NAA16: variants seen among roughly 807,000 people sequenced by gnomAD.
NAA16 encodes NARG1-like protein.
Under a neutral mutation model 110.3 loss-of-function variants are expected in NAA16, and 97 were observed. The observed-to-expected ratio is 0.88, with a 90% confidence interval of 0.75 to 1.04. NAA16 has a LOEUF of 1.04. Ranked by LOEUF, NAA16 falls within the 50% of genes least tolerant of loss-of-function variation. NAA16 has a pLI of 0.00. For missense variants in NAA16, 1,017 were observed against 1,005.1 expected, an observed-to-expected ratio of 1.01 and a Z score of -0.16; for synonymous variants, 372 against 330.6, an observed-to-expected ratio of 1.13 and a Z score of -1.36.
chr13:41,352,388 C>G (rs1034157794), intron 9 of NAA16, among the ~76,000 whole-genome samples: 3 of 152,016 alleles, frequency 2.0e-5, no homozygotes, highest in African/African-American at 7.2e-5. Flanking sequence ...GGCACAGTGG[C>G]TCATGCCTGT....
Position 41,358,108 on chromosome 13 carries a change from A to G in NAA16, c.1088-196A>G, listed in dbSNP as rs561753933. Among the ~76,000 whole-genome samples the G allele has an allele frequency of 5.3e-5, 8 of 152,290 alleles. No individual in the cohort carries two copies. The South Asian group carries it at 1.7e-3, about 32-fold the overall frequency. On this transcript the variant is annotated intron_variant, in intron 10 of 19. Transcript: ENST00000379406. Reference sequence around the variant, plus strand: ...GGGGTTAGAAGCCTGTCAAAGTACAATCTTATTTCTCTACATGGCTGCCAC... The same window carrying G: ...GGGGTTAGAAGCCTGTCAAAGTACAGTCTTATTTCTCTACATGGCTGCCAC...
chr13:41,376,326 A>G lies in NAA16; in HGVS notation c.*724A>G, dbSNP rs1325556133. 2 of 152,190 alleles carry G rather than the reference A, an allele frequency of 1.3e-5. No homozygotes were observed. The highest frequency in any genetic ancestry group is 4.8e-5 in the African/African-American group (2 of 41,460). 9.4% of individuals were successfully genotyped at this position (152,190 alleles called of 1,614,324 possible). On this transcript the variant is annotated 3_prime_UTR_variant, in exon 20 of 20. Transcript: ENST00000379406. The stretch of plus-strand genomic sequence containing the variant: ...TTCCTCTTGGCAGATATTGAAGTTT[A>G]TTTGAAAATTTAATTCGTCCTTTTT...
intron 3 of NAA16, among the ~76,000 whole-genome samples, chr13:41,319,610 G>C (rs934595864): frequency 6.6e-6 from 1 of 152,066 alleles, no homozygotes; most frequent in Non-Finnish European, 1.5e-5. Flanking sequence ...TCCACCTCTT[G>C]GGTTTAAGCG....
At chr13:41,329,946 TC>T (rs1184900812) in intron 7 of NAA16, among the ~76,000 whole-genome samples, 2 of 151,996 alleles carry the variant, frequency 1.3e-5, no homozygotes, top group African/African-American at 4.8e-5. Flanking sequence ...GACCTTTCCT[TC>T]CCCGTGGTAA....
At chr13:41,363,896 T>C (rs955870719) in intron 13 of NAA16, among the ~76,000 whole-genome samples, 3 of 152,152 alleles carry the variant, frequency 2.0e-5, no homozygotes, top group African/African-American at 7.2e-5. Flanking sequence ...ATATCTATAC[T>C]AAAAGCAAAT....
At chr13:41,321,170 C>A (rs930200709) in intron 4 of NAA16, among the ~76,000 whole-genome samples, 1 of 152,116 alleles carries the variant, frequency 6.6e-6, no homozygotes, top group Non-Finnish European at 1.5e-5. Context: ...TGGTAGTTTA[C>A]ACCTGCAGTC....
chr13:41,331,327 A>G lies in NAA16; in HGVS notation c.865A>G (p.Lys289Glu). 6.2e-7 allele frequency: 1 copy of G among 1,610,156 alleles called. No individual in the cohort carries two copies. Among genetic ancestry groups the G allele is most frequent in the South Asian group, 1.1e-5 (1 of 90,344 alleles). ...TGAAGAAATTAGTAAGCAGCACCCC[A>G]AAGCAATTACACCCAGAAGATTACC... is the stretch of plus-strand genomic sequence containing the variant. Reference protein sequence around the residue: ...IYEEISKQHPKAITPRRLPLT... With the variant: ...IYEEISKQHPEAITPRRLPLT... Residue 289 changes from lysine to glutamate, a missense_variant, in exon 8 of 20, where the codon AAA (lysine) becomes GAA (glutamate). By Grantham distance (56) the Lys-to-Glu change is moderately conservative. Coordinates refer to ENST00000379406, the MANE Select transcript of NAA16 (RefSeq NM_024561.5).
Position 41,376,839 on chromosome 13 carries a change from G to C in NAA16, c.*1237G>C, listed in dbSNP as rs2043434203. 1 of 152,086 alleles carries C rather than the reference G, an allele frequency of 6.6e-6. No individual in the cohort carries two copies. The highest frequency in any genetic ancestry group is 2.4e-5 in the African/African-American group (1 of 41,402). 9.4% of individuals were successfully genotyped at this position (152,086 alleles called of 1,614,324 possible). A position where few individuals can be genotyped will look rare whatever the true frequency, so the allele number is the denominator to read the frequency against. The stretch of plus-strand genomic sequence containing the variant: ...TGGAATCACTCATGTTCAGAACCTT[G>C]TAAATATGTCTGTAATATTAATGCT... On this transcript the variant is annotated 3_prime_UTR_variant, in exon 20 of 20. Coordinates refer to ENST00000379406, the MANE Select transcript of NAA16 (RefSeq NM_024561.5).
Position 41,325,772 on chromosome 13 carries a change from T to A in NAA16, c.612T>A (p.Asp204Glu). 1.2e-6 allele frequency: 2 copies of A among 1,605,840 alleles called. No homozygotes were observed. Among genetic ancestry groups the A allele is most frequent in the Non-Finnish European group, 1.7e-6 (2 of 1,173,252 alleles). Residue 204 changes from aspartate (D) to glutamate (E), a missense_variant, in exon 6 of 20, where the codon GAT becomes GAA. Transcript: ENST00000379406. ...LYQNQVMREA[D>E]LLQESLEHIE... ...AGAATCAAGTGATGAGAGAGGCAGA[T>A]CTGTTGCAGGAATCTTTGGAACATA... is the stretch of plus-strand genomic sequence containing the variant.
intron 12 of NAA16, among the ~76,000 whole-genome samples, chr13:41,361,480 A>ATGAC (rs2043111220): frequency 6.6e-6 from 1 of 152,282 alleles, no homozygotes; most frequent in African/African-American, 2.4e-5. Flanking sequence ...AGTACTTCAT[A>ATGAC]TGACTGCTTT....
At chr13:41,317,095 C>T (rs568510602) in intron 2 of NAA16, among the ~76,000 whole-genome samples, 165 bp downstream of exon 2, 1 of 152,046 alleles carries the variant, frequency 6.6e-6, no homozygotes, top group African/African-American at 2.4e-5. Flanking sequence ...TCTAGATTAC[C>T]TGTATTATCC....
chr13:41,374,925 CA>C lies in NAA16; in HGVS notation c.2397+87del, dbSNP rs1229566085. The C allele has an allele frequency of 8.0e-6, 6 of 752,978 alleles. No homozygotes were observed. In the East Asian group the frequency reaches 1.5e-4, roughly 19 times the overall value. The allele number at this position is 752,978 out of a possible 1,614,324, so 46.6% of individuals were successfully genotyped here. On this transcript the variant is annotated intron_variant, in intron 19 of 19. Coordinates refer to ENST00000379406, the MANE Select transcript of NAA16 (RefSeq NM_024561.5). ...ACAGCATAATTCTTGAGTAGGCCTT[CA>C]GAATTATGCCTGGATGTTAATCCCA...
At position 41,318,822 on chromosome 13, in the gene NAA16, A is replaced by C. The variant is rs764742510; in HGVS notation, c.156A>C (p.Lys52Asn). Residue 52 changes from lysine to asparagine, a missense_variant, in exon 3 of 20, where the codon AAA becomes AAC. Transcript: ENST00000379406. Reference sequence around the variant, plus strand: ...ATTTTTCAGAGACTTTGGCTATGAAAGGATTAACACTGAACTGTTTAGGAA... The same window carrying C: ...ATTTTTCAGAGACTTTGGCTATGAACGGATTAACACTGAACTGTTTAGGAA... ...FAEHGETLAMKGLTLNCLGKK... is the reference protein window; with the variant it reads ...FAEHGETLAMNGLTLNCLGKK... 1.3e-6 allele frequency: 2 copies of C among 1,556,414 alleles called. No individual in the cohort carries two copies. Among genetic ancestry groups the C allele is most frequent in the Non-Finnish European group, 1.7e-6 (2 of 1,155,772 alleles).
At chr13:41,312,403 C>T (rs2483099) in intron 1 of NAA16, among the ~76,000 whole-genome samples, 7,554 of 152,236 alleles carry the variant, frequency 0.05, 252 homozygotes, top group Non-Finnish European at 0.07. Context: ...TTTCTGTGGG[C>T]TGTGTGCCAG....
At chr13:41,335,017 G>A (rs2042341804) in intron 8 of NAA16, among the ~76,000 whole-genome samples, 1 of 152,186 alleles carries the variant, frequency 6.6e-6, no homozygotes, top group African/African-American at 2.4e-5. Flanking sequence ...TCCTGGATCA[G>A]CACTTCAAGA....
chr13:41,317,725 ATGGT>A (rs2041845877), intron 2 of NAA16, among the ~76,000 whole-genome samples: 1 of 152,210 alleles, frequency 6.6e-6, no homozygotes, highest in East Asian at 1.9e-4. Context: ...CTTTATCCAA[ATGGT>A]GCCTGTGGGA....
chr13:41,343,458 A>G (rs902754424), intron 9 of NAA16, among the ~76,000 whole-genome samples: 19 of 152,104 alleles, frequency 1.2e-4, no homozygotes, highest in African/African-American at 4.1e-4. Context: ...TGATGTATCT[A>G]TGCAGCTGTA....
intron 9 of NAA16, among the ~76,000 whole-genome samples, chr13:41,354,171 C>T (rs2042919639): frequency 6.6e-6 from 1 of 152,234 alleles, no homozygotes; most frequent in Non-Finnish European, 1.5e-5. Flanking sequence ...CCGTATACTG[C>T]AGCATCATGT....
Position 41,372,257 on chromosome 13 carries a change from G to A in NAA16, c.2002G>A (p.Val668Ile). The change falls in exon 16 of 20, where the codon GTT becomes ATT. Residue 668 changes from valine to isoleucine, a missense_variant. Physicochemically the swap from Val to Ile is conservative, Grantham distance 29 (BLOSUM62 3). Coordinates refer to ENST00000379406, the MANE Select transcript of NAA16 (RefSeq NM_024561.5). ...VKFLIPLKNL[V>I]ADNIDTHLLA... ...GTTCCTTATACCTCTTAAGAACCTT[G>A]TTGCTGATAACATTGACACTCATCT... 3 of 1,604,072 alleles carry A rather than the reference G, an allele frequency of 1.9e-6. No homozygotes were observed. Among genetic ancestry groups the A allele is most frequent in the South Asian group, 1.1e-5 (1 of 88,932 alleles).
Sources: gnomAD v4.1 joint callset for allele counts (sites outside exome capture counted in the v4.1 genomes callset) on GRCh38, gnomAD v4.1.1 for gene constraint, MANE v1.5 for transcripts, NCBI Gene and HGNC (gene_info 2026-07-23, HGNC 2026-07-21) for gene names.